The following TMC1 variants were observed in gnomAD, a reference collection of about 807,000 sequenced individuals.
TMC1 encodes transmembrane channel like 1, also known as transmembrane channel-like protein 1.
TMC1 carries 84 observed loss-of-function variants against 105.8 expected under a neutral mutation model. The ratio of observed to expected loss-of-function variants is 0.79; its 90% CI spans 0.67 to 0.95. The LOEUF is 0.95. Among genes scored for constraint, TMC1 ranks in the 40% least tolerant of loss-of-function variants. The pLI, the probability that TMC1 is intolerant of heterozygous loss-of-function variation, is 0.00. For missense variants in TMC1, 817 were observed against 914.1 expected (o/e 0.89, Z 1.37); for synonymous variants, 315 against 311.5 (o/e 1.01, Z -0.12).
At chr9:72,607,002 T>TATATATATATATAGAGAGAGAG (rs372785242) in intron 2 of TMC1, among the ~76,000 whole-genome samples, 1 of 134,904 alleles carries the variant, frequency 7.4e-6, no homozygotes, top group South Asian at 2.5e-4. Context: ...TATATATATA[T>TATATATATATATAGAGAGAGAG]AGAGAGAGAG....
intron 7 of TMC1, among the ~76,000 whole-genome samples, chr9:72,696,828 G>A (rs1397542775): frequency 6.6e-6 from 1 of 152,076 alleles, no homozygotes; most frequent in Non-Finnish European, 1.5e-5. Flanking sequence ...CCTAACAACT[G>A]TTGTTTAAAT....
intron 3 of TMC1, among the ~76,000 whole-genome samples, chr9:72,620,402 C>T (rs1825227161): frequency 6.6e-6 from 1 of 151,148 alleles, no homozygotes; most frequent in Non-Finnish European, 1.5e-5. Context: ...ACCACCATGC[C>T]TGGCTAATTA....
intron 7 of TMC1, among the ~76,000 whole-genome samples, chr9:72,697,602 C>T (rs1826572402): frequency 1.3e-5 from 2 of 152,094 alleles, no homozygotes. Context: ...TAAAGGGTCT[C>T]TGAAAGTTGG....
chr9:72,744,407 GA>G (rs1427408321), intron 10 of TMC1, among the ~76,000 whole-genome samples: 1 of 151,772 alleles, frequency 6.6e-6, no homozygotes, highest in African/African-American at 2.4e-5. Flanking sequence ...ACCAATCTAG[GA>G]AAAAAAGAAA....
At chr9:72,612,330 C>T (rs907476855) in intron 2 of TMC1, among the ~76,000 whole-genome samples, 1 of 152,076 alleles carries the variant, frequency 6.6e-6, no homozygotes, top group Non-Finnish European at 1.5e-5. Flanking sequence ...ACCACCATGC[C>T]TGGTTAATTT....
Position 72,546,556 on chromosome 9 carries a change from A to C in TMC1, c.-428+24643A>C, listed in dbSNP as rs543925404. Among the ~76,000 whole-genome samples, 8 of 152,338 alleles carry C rather than the reference A, an allele frequency of 5.3e-5. No individual in the cohort carries two copies. In the South Asian group the frequency reaches 1.7e-3, roughly 32 times the overall value. ...TCAAAATTTGCTTTGAAAAAGATGT[A>C]AATGGCCATTTCCTTATACTTGTGA... On this transcript the variant is annotated intron_variant, in intron 1 of 23. Transcript: ENST00000297784.
chr9:72,563,154 G>A (rs11143329), intron 1 of TMC1, among the ~76,000 whole-genome samples: 7 of 152,224 alleles, frequency 4.6e-5, no homozygotes, highest in Admixed American at 3.9e-4. Flanking sequence ...CAAGTACTCT[G>A]GGGGTGGCCA....
At chr9:72,573,873 G>A (rs1039356039) in intron 1 of TMC1, among the ~76,000 whole-genome samples, 1 of 152,014 alleles carries the variant, frequency 6.6e-6, no homozygotes, top group Admixed American at 6.6e-5. Context: ...TTTGTTGTAC[G>A]GATGATTCAT....
intron 3 of TMC1, among the ~76,000 whole-genome samples, chr9:72,627,421 C>T (rs1365330191): frequency 6.6e-6 from 1 of 152,130 alleles, no homozygotes; most frequent in Admixed American, 6.5e-5. Context: ...AAAGAAATTT[C>T]TCTAGTTCCA....
intron 15 of TMC1, among the ~76,000 whole-genome samples, chr9:72,789,574 T>G (rs1828230908): frequency 6.6e-6 from 1 of 152,174 alleles, no homozygotes; most frequent in Admixed American, 6.5e-5. Flanking sequence ...GTCTAATCAT[T>G]ATGTTTTACA....
chr9:72,550,474 T>G (rs1823842268), intron 1 of TMC1, among the ~76,000 whole-genome samples: 1 of 149,882 alleles, frequency 6.7e-6, no homozygotes, highest in Non-Finnish European at 1.5e-5. Flanking sequence ...CTGGCCAACA[T>G]GGTAAAACCC....
chr9:72,584,506 A>T (rs1363482411), intron 2 of TMC1, among the ~76,000 whole-genome samples: 4 of 151,964 alleles, frequency 2.6e-5, no homozygotes, highest in Non-Finnish European at 5.9e-5. Flanking sequence ...AGCTCAAGTG[A>T]TCTGCCCACC....
intron 13 of TMC1, among the ~76,000 whole-genome samples, chr9:72,777,095 C>T (rs1032864424): frequency 2.6e-5 from 4 of 152,242 alleles, no homozygotes; most frequent in African/African-American, 9.6e-5. Flanking sequence ...CAGCTTCACA[C>T]ACACCATTTC....
chr9:72,710,090 C>G (rs1826811699), intron 8 of TMC1, among the ~76,000 whole-genome samples: 1 of 152,146 alleles, frequency 6.6e-6, no homozygotes, highest in South Asian at 2.1e-4. Flanking sequence ...TCATTTCCAT[C>G]TTGATTTCAT....
In TMC1 at chr9:72,838,222, T is replaced by G. The variant is rs1451580701; in HGVS notation, c.*2249T>G. 1 of 152,262 alleles carries G rather than the reference T, an allele frequency of 6.6e-6. No homozygotes were observed. The highest frequency in any genetic ancestry group is 1.5e-5 in the Non-Finnish European group (1 of 68,042). 9.4% of individuals were successfully genotyped at this position (152,262 alleles called of 1,614,324 possible). ...ATGATGTAAGAAATGGATTATCTGT[T>G]GATAGGCTGAGTTTATTGTTTAATT... On this transcript the variant is annotated 3_prime_UTR_variant, in exon 24 of 24. Coordinates refer to ENST00000297784, the MANE Select transcript of TMC1 (RefSeq NM_138691.3).
intron 13 of TMC1, among the ~76,000 whole-genome samples, chr9:72,776,395 A>G (rs1828005739): frequency 6.6e-6 from 1 of 152,192 alleles, no homozygotes; most frequent in African/African-American, 2.4e-5. Context: ...TGAAATAATA[A>G]TAATTAACAT....
At chr9:72,725,195 A>G (rs1485351901) in intron 8 of TMC1, among the ~76,000 whole-genome samples, 2 of 151,742 alleles carry the variant, frequency 1.3e-5, no homozygotes, top group South Asian at 2.1e-4. Context: ...TAAATAAGAT[A>G]AAAGTAGTTA....
intron 1 of TMC1, among the ~76,000 whole-genome samples, chr9:72,532,541 C>CAAAAAAAAAAAAAAA (rs59010604): frequency 1.3e-5 from 1 of 75,524 alleles, no homozygotes; most frequent in Non-Finnish European, 2.6e-5. Flanking sequence ...GACTCCGTCT[C>CAAAAAAAAAAAAAAA]AAAAAAAAAA....
At chr9:72,696,300 C>G (rs1351421277) in intron 7 of TMC1, among the ~76,000 whole-genome samples, 10 of 152,106 alleles carry the variant, frequency 6.6e-5, no homozygotes, top group Admixed American at 1.3e-4. Flanking sequence ...TCTTGAGAAT[C>G]AAGATCCCTT....
Sources: allele counts gnomAD v4.1 joint callset (sites outside exome capture counted in the v4.1 genomes callset), GRCh38; gene constraint gnomAD v4.1.1; transcripts MANE v1.5; gene names NCBI Gene and HGNC (gene_info 2026-07-23, HGNC 2026-07-21).